The following CENPP variants were observed in gnomAD, a reference collection of about 807,000 sequenced individuals.
The protein encoded by CENPP is centromere protein P.
A neutral mutation model predicts 35.6 loss-of-function variants in CENPP; 24 were observed. The ratio of observed to expected loss-of-function variants is 0.67; its 90% CI spans 0.49 to 0.95. CENPP has a LOEUF of 0.95. Ranked by LOEUF, CENPP falls within the 40% of genes least tolerant of loss-of-function variation. CENPP has a pLI of 0.00. For synonymous variants in CENPP, 120 were observed against 125.5 expected, an observed-to-expected ratio of 0.96 and a Z score of 0.29; for missense variants, 332 against 345.3, an observed-to-expected ratio of 0.96 and a Z score of 0.31.
At chr9:92,495,805 A>C in intron 5 of CENPP, 2 of 952,622 alleles carry the variant, frequency 2.1e-6, no homozygotes, top group Non-Finnish European at 2.5e-6. Flanking sequence ...CCCAATATTC[A>C]GTTATATTTA....
In CENPP at chr9:92,544,086, G is replaced by A. The variant is rs957241574; in HGVS notation, c.565-67228G>A. Reference sequence around the variant, plus strand: ...CAGTTTTATGTTGAATAGAAGTTGCGTGAGTCAGCACTGTTGTCTTATTCC... The same window carrying A: ...CAGTTTTATGTTGAATAGAAGTTGCATGAGTCAGCACTGTTGTCTTATTCC... On this transcript the variant is annotated intron_variant, in intron 5 of 7. Transcript: ENST00000375587. 3.9e-5 allele frequency among the ~76,000 whole-genome samples: 6 copies of A among 152,298 alleles called. No individual in the cohort carries two copies. The South Asian group carries it at 6.2e-4, about 16-fold the overall frequency.
At chr9:92,565,104 C>T (rs919037623) in intron 5 of CENPP, among the ~76,000 whole-genome samples, 7 of 151,856 alleles carry the variant, frequency 4.6e-5, no homozygotes, top group Non-Finnish European at 8.8e-5. Context: ...GAATCTATCT[C>T]CCTACCTCAA....
At chr9:92,342,356 CA>C (rs886426285) in intron 3 of CENPP, among the ~76,000 whole-genome samples, 24 of 152,190 alleles carry the variant, frequency 1.6e-4, no homozygotes, top group Non-Finnish European at 1.8e-4. Context: ...TTAGCGGATG[CA>C]GGGGGAAAAA....
At chr9:92,382,892 C>CT (rs1213731251) in intron 5 of CENPP, among the ~76,000 whole-genome samples, 1,162 of 69,782 alleles carry the variant, frequency 0.017, 34 homozygotes, top group African/African-American at 0.042. Flanking sequence ...CACTGTTTTC[C>CT]TTTTTTTTTT....
chr9:92,563,624 T>A (rs1849896663), intron 5 of CENPP, among the ~76,000 whole-genome samples: 1 of 152,168 alleles, frequency 6.6e-6, no homozygotes, highest in African/African-American at 2.4e-5. Flanking sequence ...TTAGCAGCAT[T>A]TAACACAGAT....
chr9:92,582,030 G>GTGTTTTGTTT (rs56879645), intron 5 of CENPP, among the ~76,000 whole-genome samples: 3,398 of 149,618 alleles, frequency 0.023, 67 homozygotes, highest in African/African-American at 0.051. Flanking sequence ...ACACTTGGTG[G>GTGTTTTGTTT]TGTTTTGTTT....
intron 5 of CENPP, among the ~76,000 whole-genome samples, chr9:92,557,154 C>A (rs1354561062): frequency 1.3e-5 from 2 of 152,166 alleles, no homozygotes; most frequent in Non-Finnish European, 2.9e-5. Flanking sequence ...GGGTCCCAAT[C>A]CCTTCTAGCT....
chr9:92,472,916 T>C (rs1845579710), intron 5 of CENPP, among the ~76,000 whole-genome samples: 2 of 152,208 alleles, frequency 1.3e-5, no homozygotes, highest in African/African-American at 4.8e-5. Context: ...AACCTACTCC[T>C]GCCCTGCCCC....
chr9:92,389,721 G>C, intron 5 of CENPP: 1 of 623,754 alleles, frequency 1.6e-6, no homozygotes, highest in Non-Finnish European at 2.7e-6. Flanking sequence ...TATTTATTAT[G>C]TAAATAATGT....
At chr9:92,334,209 C>G (rs928804965) in intron 2 of CENPP, among the ~76,000 whole-genome samples, 1 of 151,686 alleles carries the variant, frequency 6.6e-6, no homozygotes, top group African/African-American at 2.4e-5. Context: ...CAGCCTCTGC[C>G]TCCTGGGTTC....
chr9:92,517,966 C>G (rs897403585), intron 5 of CENPP: 26 of 1,432,406 alleles, frequency 1.8e-5, no homozygotes, highest in Non-Finnish European at 2.0e-5. Context: ...TCAAACTGCT[C>G]TAACCACACA....
At chr9:92,501,205 GCCAGCCCTAGTCTCTTGCA>G (rs774627408) in intron 5 of CENPP, 4 of 761,618 alleles carry the variant, frequency 5.3e-6, no homozygotes, top group Non-Finnish European at 8.3e-6. Flanking sequence ...TCCAGGTATA[GCCAGCCCTAGTCTCTTGCA>G]CCAAGCTGCA....
At chr9:92,594,286 G>A (rs528625646) in intron 5 of CENPP, among the ~76,000 whole-genome samples, 11 of 152,298 alleles carry the variant, frequency 7.2e-5, no homozygotes, top group Admixed American at 7.2e-4. Context: ...ATTCTTATCA[G>A]TGGGATCACG....
At chr9:92,459,853 G>C in intron 5 of CENPP, 8 of 1,234,260 alleles carry the variant, frequency 6.5e-6, no homozygotes, top group Non-Finnish European at 9.2e-6. Flanking sequence ...AAACTAGTTA[G>C]AATATAAGCC....
intron 5 of CENPP, among the ~76,000 whole-genome samples, chr9:92,596,547 C>T (rs1015915815): frequency 6.1e-5 from 9 of 148,212 alleles, no homozygotes; most frequent in East Asian, 2.0e-4. Flanking sequence ...TTGATTAAAA[C>T]GAGAGAAAGC....
At chr9:92,332,871 C>T (rs551427648) in intron 2 of CENPP, among the ~76,000 whole-genome samples, 1 of 148,788 alleles carries the variant, frequency 6.7e-6, no homozygotes, top group Non-Finnish European at 1.5e-5. Flanking sequence ...TCTTTTCTTT[C>T]TTTCTTTTTT....
rs568462318 is a variant in CENPP, at chr9:92,443,861, C to T, written c.564+64002C>T. Among the ~76,000 whole-genome samples the T allele has an allele frequency of 4.6e-5, 7 of 152,190 alleles. No individual in the cohort carries two copies. In the South Asian group the frequency reaches 1.5e-3, roughly 32 times the overall value. ...TATTTTTAGTAGAGATGGGGTTTCA[C>T]CATTTTGGCCAGGCTGGTCTCAAAC... On this transcript the variant is annotated intron_variant, in intron 5 of 7. Coordinates refer to ENST00000375587, the MANE Select transcript of CENPP (RefSeq NM_001012267.3).
rs79538381 is a variant in CENPP at position 92,606,850 on chromosome 9, C to A, written c.565-4464C>A. On this transcript the variant is annotated intron_variant, in intron 5 of 7. Coordinates refer to ENST00000375587, the MANE Select transcript of CENPP (RefSeq NM_001012267.3). ...ACCCAGGAGGTGCCTATAGTCCCAGCTACTCAGGAAGCTGAGGCAGGCGAA... is the reference window on the plus strand; with the variant it reads ...ACCCAGGAGGTGCCTATAGTCCCAGATACTCAGGAAGCTGAGGCAGGCGAA... Among the ~76,000 whole-genome samples the A allele has an allele frequency of 7.4e-3, 1,124 of 152,216 alleles. 11 individuals carry two copies. The highest frequency in any genetic ancestry group is 0.024 in the African/African-American group (1,017 of 41,536).
chr9:92,450,164 A>G (rs909622733), intron 5 of CENPP, among the ~76,000 whole-genome samples: 3 of 151,832 alleles, frequency 2.0e-5, no homozygotes, highest in Non-Finnish European at 4.4e-5. Flanking sequence ...TTACATATGT[A>G]TACATGTGCC....
Sources: gnomAD v4.1 joint callset for allele counts (sites outside exome capture counted in the v4.1 genomes callset) on GRCh38, gnomAD v4.1.1 for gene constraint, MANE v1.5 for transcripts, NCBI Gene and HGNC (gene_info 2026-07-23, HGNC 2026-07-21) for gene names.